The following BTBD2 variants were observed in gnomAD, a reference collection of about 807,000 sequenced individuals.
BTBD2 encodes BTB domain containing 2.
BTBD2 carries 15 observed loss-of-function variants against 44.0 expected under a neutral mutation model. The observed-to-expected ratio is 0.34, with a 90% CI of 0.23 to 0.53. BTBD2 has a LOEUF of 0.53. BTBD2 is among the 20% of genes least tolerant of loss of function. The pLI is 0.95. For missense variants in BTBD2, 657 were observed against 746.4 expected, an observed-to-expected ratio of 0.88 and a Z score of 1.39; for synonymous variants, 443 against 335.9, an observed-to-expected ratio of 1.32 and a Z score of -3.49.
intron 1 of BTBD2, among the ~76,000 whole-genome samples, chr19:2,004,398 A>G (rs1291649891): frequency 6.6e-6 from 1 of 151,518 alleles, no homozygotes; most frequent in Admixed American, 6.6e-5. Context: ...CCCGGGTGCA[A>G]GCAATTCTCC....
intron 1 of BTBD2, chr19:2,013,929 G>A (rs1864233370): frequency 6.6e-6 from 1 of 150,868 alleles, no homozygotes; most frequent in African/African-American, 2.4e-5. Context: ...GGGTGGGGGT[G>A]GAGGAAATAG....
At position 2,015,572 on chromosome 19, in the gene BTBD2, G is replaced by C. The variant is rs1599364926; in HGVS notation, c.132C>G (p.Ala44=). The part of the protein sequence containing the change: ...ATPAPGNAAA[A]AAAAAAAAAA... ...CGGCGGCGGCGGCGGCGGCGGCGGC[G>C]GCGGCGGCCGCGTTGCCGGGGGCCG... is the stretch of plus-strand genomic sequence containing the variant. The change falls in exon 1 of 9, where the codon GCC becomes GCG. Residue 44 remains alanine, a synonymous_variant. Transcript: ENST00000255608. 1.1e-6 allele frequency: 1 copy of C among 916,950 alleles called. No individual in the cohort carries two copies. The highest frequency in any genetic ancestry group is 1.3e-6 in the Non-Finnish European group (1 of 779,472). The allele number at this position is 916,950 out of a possible 1,614,324, so 56.8% of individuals were successfully genotyped here.
intron 2 of BTBD2, among the ~76,000 whole-genome samples, chr19:1,996,545 C>A (rs1039733216): frequency 3.7e-3 from 364 of 98,846 alleles, no homozygotes; most frequent in Middle Eastern, 5.0e-3. Flanking sequence ...GCAAAACTGT[C>A]AAAAAAAAAA....
intron 5 of BTBD2, 180 bp from the exon 6 acceptor site, chr19:1,987,872 G>A (rs2016114888): frequency 3.2e-6 from 2 of 626,112 alleles, no homozygotes; most frequent in South Asian, 4.0e-5. Context: ...GGGCTTTTAG[G>A]GAGAGGTCCC....
chr19:1,987,382 C>G, intron 6 of BTBD2, 118 bp downstream of exon 6: 1 of 1,387,792 alleles, frequency 7.2e-7, no homozygotes, highest in Non-Finnish European at 9.6e-7. Flanking sequence ...CCCGGCGGCC[C>G]CCCCGCCGTC....
At chr19:2,000,857 C>T (rs1239642531) in intron 1 of BTBD2, among the ~76,000 whole-genome samples, 5 of 152,190 alleles carry the variant, frequency 3.3e-5, no homozygotes, top group African/African-American at 1.2e-4. Context: ...CAAACAGGAA[C>T]GAGGCTCTGA....
At chr19:2,010,009 A>C (rs569108806) in intron 1 of BTBD2, among the ~76,000 whole-genome samples, 10 of 151,400 alleles carry the variant, frequency 6.6e-5, no homozygotes, top group Non-Finnish European at 1.5e-4. Context: ...ACAATTAGCC[A>C]AGTGTGGTGG....
intron 1 of BTBD2, chr19:2,002,856 G>A (rs12459459): frequency 0.3 from 42,619 of 141,502 alleles, 6,564 homozygotes; most frequent in East Asian, 0.4. Flanking sequence ...CAGCCTGGGC[G>A]ACAGAGTGAG....
In BTBD2 at chr19:1,986,458, G is replaced by A. The variant is rs11555650; in HGVS notation, c.*30C>T. 933 of 1,608,960 alleles carry A rather than the reference G, an allele frequency of 5.8e-4. 6 individuals are homozygous for A. In the African/African-American group the frequency reaches 8.5e-3, roughly 15 times the overall value. On this transcript the variant is annotated 3_prime_UTR_variant, in exon 9 of 9. Transcript: ENST00000255608. ...GGCCTGGGGCTGCGGCTATCCCCACGGAGGGAGGGCGGTGTCGGTGTCGGG... is the reference window on the plus strand; with the variant it reads ...GGCCTGGGGCTGCGGCTATCCCCACAGAGGGAGGGCGGTGTCGGTGTCGGG...
chr19:1,986,866 C>T lies in BTBD2; in HGVS notation c.1380G>A (p.Leu460=). The T allele has an allele frequency of 6.2e-7, 1 of 1,612,194 alleles. No individual in the cohort carries two copies. The highest frequency in any genetic ancestry group is 8.5e-7 in the Non-Finnish European group (1 of 1,179,534). Residue 460 remains leucine (L), a synonymous_variant, in exon 8 of 9, where the codon CTG becomes CTA. Transcript: ENST00000255608. Reference sequence around the variant, plus strand: ...CACAGGCCGTGTAGTTGACGTTGGGCAGCACCTCCACCGGCTCCTTGAACA... The same window carrying T: ...CACAGGCCGTGTAGTTGACGTTGGGTAGCACCTCCACCGGCTCCTTGAACA... ...RVMFKEPVEV[L]PNVNYTACAT... is the part of the protein sequence containing the mutation.
chr19:2,011,696 G>C (rs1226196512), intron 1 of BTBD2, among the ~76,000 whole-genome samples: 1 of 151,926 alleles, frequency 6.6e-6, no homozygotes, highest in African/African-American at 2.4e-5. Flanking sequence ...TGCCCCAACG[G>C]TGCCGGCCTC....
chr19:1,991,235 C>T (rs45490793), intron 3 of BTBD2: 1 of 176,122 alleles, frequency 5.7e-6, no homozygotes, highest in African/African-American at 2.4e-5. Context: ...CCCTTGGCCA[C>T]TTGTGGTGGG....
Position 2,015,187 on chromosome 19 carries a change from T to TGGAGGGGTGCGGGGGTCTCGGGGAC in BTBD2, c.407+85_407+109dup, listed in dbSNP as rs2016517798. 2.8e-5 allele frequency: 32 copies of TGGAGGGGTGCGGGGGTCTCGGGGAC among 1,138,892 alleles called. No homozygotes were observed. The Middle Eastern group carries it at 1.0e-3, about 35-fold the overall frequency. The allele number at this position is 1,138,892 out of a possible 1,614,324, so 70.5% of individuals were successfully genotyped here. A position where few individuals can be genotyped will look rare whatever the true frequency, so the allele number is the denominator to read the frequency against. On this transcript the variant is annotated intron_variant, in intron 1 of 8. Transcript: ENST00000255608. The stretch of plus-strand genomic sequence containing the variant: ...GACAGAGGGGTGCAGGGCTCGGGGA[T>TGGAGGGGTGCGGGGGTCTCGGGGAC]GGAGGGGTGCGGGGGTCTCGGGGAC...
rs142153979 is a variant in BTBD2, at chr19:2,010,904, C to G, written c.407+4393G>C. 2.0e-3 allele frequency among the ~76,000 whole-genome samples: 298 copies of G among 152,292 alleles called. 1 individual carries two copies. Among genetic ancestry groups the G allele is most frequent in the African/African-American group, 6.7e-3 (277 of 41,574 alleles). On this transcript the variant is annotated intron_variant, in intron 1 of 8. Coordinates refer to ENST00000255608, the MANE Select transcript of BTBD2 (RefSeq NM_017797.4). ...CTGCCCATCTCGGCCTCCCGAAGTGCTGGGATGATAGGCGTGAGCCACTGC... is the reference window on the plus strand; with the variant it reads ...CTGCCCATCTCGGCCTCCCGAAGTGGTGGGATGATAGGCGTGAGCCACTGC...
At chr19:1,986,755 G>A (rs999169777) in intron 8 of BTBD2, 75 bp downstream of exon 8, 83 of 1,572,532 alleles carry the variant, frequency 5.3e-5, no homozygotes, top group Non-Finnish European at 6.6e-5. Context: ...CCTCTGGAGA[G>A]TGTGTGCTGT....
rs918039743 is a variant in BTBD2 at position 2,015,683 on chromosome 19, G to A, written c.21C>T (p.Gly7=). The change falls in exon 1 of 9, where the codon GGC becomes GGT. Residue 7 remains glycine (G), a synonymous_variant. Coordinates refer to ENST00000255608, the MANE Select transcript of BTBD2 (RefSeq NM_017797.4). MAAGGS[G]GRASCPPGVG... ...CCCCCGGCGGGCACGACGCACGCCC[G>A]CCGCTCCCACCCGCCGCCATTTTGT... 3.0e-6 allele frequency: 3 copies of A among 985,380 alleles called. No homozygotes were observed. The highest frequency in any genetic ancestry group is 4.5e-5 in the South Asian group (1 of 22,102). The allele number at this position is 985,380 out of a possible 1,614,324, so 61.0% of individuals were successfully genotyped here. A position where few individuals can be genotyped will look rare whatever the true frequency, so the allele number is the denominator to read the frequency against.
intron 3 of BTBD2, 114 bp downstream of exon 3, chr19:1,992,906 G>T: frequency 9.6e-7 from 1 of 1,044,656 alleles, no homozygotes; most frequent in Non-Finnish European, 1.2e-6. Context: ...GGAGCCTGCT[G>T]CCTCCCGGGC....
intron 1 of BTBD2, among the ~76,000 whole-genome samples, chr19:2,010,106 C>T (rs144656875): frequency 0.022 from 3,280 of 152,188 alleles, 119 homozygotes; most frequent in African/African-American, 0.075. Context: ...GAGCGGAGAT[C>T]GCGCCACTGG....
Position 1,987,563 on chromosome 19 carries a change from C to T in BTBD2, c.1118G>A (p.Ser373Asn). The T allele has an allele frequency of 1.9e-6, 3 of 1,612,024 alleles. No individual in the cohort carries two copies. Among genetic ancestry groups the T allele is most frequent in the African/African-American group, 1.3e-5 (1 of 74,946 alleles). Reference protein sequence around the residue: ...PRCCLRGKECSINRFQQVESR... With the variant: ...PRCCLRGKECNINRFQQVESR... The stretch of plus-strand genomic sequence containing the variant: ...CTCCACCTGCTGGAAGCGGTTGATG[C>T]TGCACTCCTTCCCACGCAGGCAGCA... Residue 373 changes from serine to asparagine, a missense_variant, in exon 6 of 9, where the codon AGC (serine) becomes AAC (asparagine). Physicochemically the swap from Ser to Asn is conservative, Grantham distance 46. Coordinates refer to ENST00000255608, the MANE Select transcript of BTBD2 (RefSeq NM_017797.4).
Sources: allele counts gnomAD v4.1 joint callset (sites outside exome capture counted in the v4.1 genomes callset), GRCh38; gene constraint gnomAD v4.1.1; transcripts MANE v1.5; gene names NCBI Gene and HGNC (gene_info 2026-07-23, HGNC 2026-07-21).